MEF2C: variants seen among roughly 807,000 people sequenced by gnomAD.
The protein encoded by MEF2C is myocyte enhancer factor 2C.
Under a neutral mutation model 50.5 loss-of-function variants are expected in MEF2C, and 6 were observed. The ratio of observed to expected loss-of-function variants is 0.12; its 90% CI spans 0.07 to 0.23. MEF2C has a LOEUF of 0.23. Ranked by LOEUF, MEF2C falls within the 10% of genes least tolerant of loss-of-function variation. The pLI is 1.00. For synonymous variants in MEF2C, 183 were observed against 228.0 expected, an observed-to-expected ratio of 0.80 and a Z score of 1.78; for missense variants, 276 against 605.0, an observed-to-expected ratio of 0.46 and a Z score of 5.70.
intron 2 of MEF2C, among the ~76,000 whole-genome samples, chr5:88,813,186 G>C (rs369112308): frequency 1.3e-5 from 2 of 152,002 alleles, no homozygotes; most frequent in East Asian, 3.9e-4. Context: ...GCATGCACTA[G>C]TGGGCACAAA....
chr5:88,810,193 A>G (rs909881847), intron 2 of MEF2C, among the ~76,000 whole-genome samples: 3 of 152,110 alleles, frequency 2.0e-5, no homozygotes, highest in Admixed American at 2.0e-4. Context: ...AAATAATTTA[A>G]TCTCTCAAAA....
intron 1 of MEF2C, among the ~76,000 whole-genome samples, chr5:88,836,179 AAAG>A (rs1216209462): frequency 6.6e-6 from 1 of 152,184 alleles, no homozygotes; most frequent in Admixed American, 6.5e-5. Flanking sequence ...ATGCCCTACA[AAAG>A]AAACATAAAT....
chr5:88,785,387 T>C (rs1790389280), intron 3 of MEF2C: 1 of 152,074 alleles, frequency 6.6e-6, no homozygotes, highest in Non-Finnish European at 1.5e-5. Context: ...CCAGAAATGC[T>C]ATTTTTCAAA....
chr5:88,856,563 G>C (rs1823436675), intron 1 of MEF2C, among the ~76,000 whole-genome samples: 1 of 152,206 alleles, frequency 6.6e-6, no homozygotes, highest in Non-Finnish European at 1.5e-5. Flanking sequence ...CAGAGGCCTA[G>C]GAGGAAAAAA....
chr5:88,822,137 A>G (rs1204850004), intron 2 of MEF2C, among the ~76,000 whole-genome samples: 1 of 151,984 alleles, frequency 6.6e-6, no homozygotes, highest in Non-Finnish European at 1.5e-5. Context: ...TTCAACCTGC[A>G]AAAATTTTCT....
intron 1 of MEF2C, among the ~76,000 whole-genome samples, chr5:88,896,824 T>A (rs563488166): frequency 3.3e-5 from 5 of 152,148 alleles, no homozygotes; most frequent in Non-Finnish European, 7.4e-5. Flanking sequence ...CCATTTAACT[T>A]CCTTTCTTCC....
chr5:88,892,953 G>C (rs950543263), intron 1 of MEF2C, among the ~76,000 whole-genome samples: 5 of 152,180 alleles, frequency 3.3e-5, no homozygotes, highest in African/African-American at 1.2e-4. Context: ...GCCTAATGGA[G>C]CGTTCTGTTC....
At chr5:88,891,096 T>C (rs1834492910) in intron 1 of MEF2C, among the ~76,000 whole-genome samples, 1 of 152,202 alleles carries the variant, frequency 6.6e-6, no homozygotes. Context: ...TGGGGAATAA[T>C]ACTATCTCCC....
chr5:88,863,852 C>G (rs368809927), intron 1 of MEF2C, among the ~76,000 whole-genome samples: 5 of 147,608 alleles, frequency 3.4e-5, no homozygotes, highest in African/African-American at 1.2e-4. Flanking sequence ...GAGAGAGCCT[C>G]GCTCTGTCTC....
intron 1 of MEF2C, among the ~76,000 whole-genome samples, chr5:88,848,469 T>C (rs1449285576): frequency 3.3e-5 from 5 of 152,296 alleles, no homozygotes; most frequent in South Asian, 2.1e-4. Flanking sequence ...GTAATGATAA[T>C]AGGCAATATG....
At chr5:88,767,348 C>T (rs2152739431) in intron 3 of MEF2C, among the ~76,000 whole-genome samples, 1 of 152,254 alleles carries the variant, frequency 6.6e-6, no homozygotes, top group African/African-American at 2.4e-5. Context: ...AAACTGTAAG[C>T]ATTGTCTATA....
intron 1 of MEF2C, among the ~76,000 whole-genome samples, chr5:88,895,066 T>C (rs952993161): frequency 6.6e-6 from 1 of 152,164 alleles, no homozygotes; most frequent in Non-Finnish European, 1.5e-5. Context: ...ATATAGAAAA[T>C]TCTCAATAAA....
Position 88,810,412 on chromosome 5 carries a change from T to C in MEF2C, c.55-5611A>G, listed in dbSNP as rs1052076696. Among the ~76,000 whole-genome samples the C allele has an allele frequency of 4.6e-5, 7 of 152,090 alleles. No individual in the cohort carries two copies. The East Asian group carries it at 1.3e-3, about 29-fold the overall frequency. ...CAGAGAAAAGTTTTTTTCTTTTTTA[T>C]CCCTTGCCTGGATAAAAAAGATGAA... On this transcript the variant is annotated intron_variant, in intron 2 of 10. Coordinates refer to ENST00000504921, the MANE Select transcript of MEF2C (RefSeq NM_002397.5).
chr5:88,839,149 T>G (rs573214314), intron 1 of MEF2C: 1 of 152,318 alleles, frequency 6.6e-6, no homozygotes, highest in East Asian at 1.9e-4. Flanking sequence ...TATATATATA[T>G]TCAGCATTTG....
chr5:88,760,319 A>T (rs1382885051), intron 4 of MEF2C, among the ~76,000 whole-genome samples: 1 of 152,262 alleles, frequency 6.6e-6, no homozygotes, highest in Non-Finnish European at 1.5e-5. Flanking sequence ...TTTGGTTAAA[A>T]CAAAAATTAG....
At chr5:88,819,865 A>G (rs1390720352) in intron 2 of MEF2C, among the ~76,000 whole-genome samples, 1 of 151,948 alleles carries the variant, frequency 6.6e-6, no homozygotes, top group Non-Finnish European at 1.5e-5. Flanking sequence ...CAAAAACTAT[A>G]TGGCTCACAA....
At chr5:88,779,692 G>A (rs966592764) in intron 3 of MEF2C, among the ~76,000 whole-genome samples, 1 of 151,020 alleles carries the variant, frequency 6.6e-6, no homozygotes, top group African/African-American at 2.4e-5. Flanking sequence ...GTACTTTTGG[G>A]TAGATTTTAT....
chr5:88,855,841 G>A (rs1441581807), intron 1 of MEF2C, among the ~76,000 whole-genome samples: 1 of 152,158 alleles, frequency 6.6e-6, no homozygotes, highest in East Asian at 1.9e-4. Context: ...CCAGTCTCAG[G>A]TATTTCTTCA....
chr5:88,762,416 C>T (rs1430130591), intron 3 of MEF2C, among the ~76,000 whole-genome samples: 2 of 151,912 alleles, frequency 1.3e-5, no homozygotes, highest in Non-Finnish European at 2.9e-5. Context: ...TGGCTGGGTA[C>T]ATCACCATGC....
Sources: allele counts gnomAD v4.1 joint callset (sites outside exome capture counted in the v4.1 genomes callset), GRCh38; gene constraint gnomAD v4.1.1; transcripts MANE v1.5; gene names NCBI Gene and HGNC (gene_info 2026-07-23, HGNC 2026-07-21).